Variants in PUM1 observed in about 807,000 individuals in gnomAD.
PUM1 encodes pumilio homolog 1.
PUM1 carries 13 observed loss-of-function variants against 131.8 expected under a neutral mutation model. The ratio of observed to expected loss-of-function variants is 0.10; its 90% CI spans 0.06 to 0.16. The LOEUF (loss-of-function observed/expected upper bound fraction) is 0.16. PUM1 is among the 10% of genes least tolerant of loss of function. PUM1 has a pLI of 1.00. For synonymous variants in PUM1, 509 were observed against 556.5 expected (o/e 0.91, Z 1.20); for missense variants, 961 against 1,512.4 (o/e 0.64, Z 6.05).
intron 5 of PUM1, among the ~76,000 whole-genome samples, chr1:31,004,520 G>A (rs969036329): frequency 6.6e-6 from 1 of 151,172 alleles, no homozygotes; most frequent in Non-Finnish European, 1.5e-5. Flanking sequence ...ACATCCAAAG[G>A]GTAGATCTTG....
intron 5 of PUM1, among the ~76,000 whole-genome samples, chr1:31,001,365 T>C (rs1642205512): frequency 7.2e-6 from 1 of 138,818 alleles, no homozygotes; most frequent in African/African-American, 3.1e-5. Flanking sequence ...CAGAAAGAGA[T>C]TGTCTCAAAA....
At chr1:30,973,586 A>C (rs2124456649) in intron 10 of PUM1, among the ~76,000 whole-genome samples, 1 of 152,370 alleles carries the variant, frequency 6.6e-6, no homozygotes, top group African/African-American at 2.4e-5. Flanking sequence ...TACCTAGTAA[A>C]AATGTCATTT....
intron 14 of PUM1, among the ~76,000 whole-genome samples, chr1:30,963,900 T>C (rs1401635559): frequency 1.3e-5 from 2 of 152,218 alleles, no homozygotes; most frequent in Non-Finnish European, 2.9e-5. Context: ...AATAAATCAG[T>C]ACTTTAAACT....
rs1639857439 is a variant in PUM1 at position 30,949,911 on chromosome 1, A to G, written c.2856+216T>C. Among the ~76,000 whole-genome samples, 11 of 152,362 alleles carry G rather than the reference A, an allele frequency of 7.2e-5. No individual in the cohort carries two copies. The South Asian group carries it at 2.1e-3, about 29-fold the overall frequency. Reference sequence around the variant, plus strand: ...TAAAGGCTAAGTTCTAGCCAATGGAAGAGTATTGGATACCACAGGTTTTAA... The same window carrying G: ...TAAAGGCTAAGTTCTAGCCAATGGAGGAGTATTGGATACCACAGGTTTTAA... On this transcript the variant is annotated intron_variant, in intron 17 of 21. Transcript: ENST00000426105.
At chr1:31,056,478 T>C (rs2002491) in intron 2 of PUM1, among the ~76,000 whole-genome samples, 43,265 of 151,494 alleles carry the variant, frequency 0.29, 8,022 homozygotes, top group East Asian at 0.53. Context: ...AGACGGGGTT[T>C]CACCATGTTG....
chr1:30,998,395 G>C (rs1642061837), intron 5 of PUM1, among the ~76,000 whole-genome samples: 1 of 152,132 alleles, frequency 6.6e-6, no homozygotes. Context: ...CTAGCACTTT[G>C]AGGCAGAAGC....
At chr1:30,951,261 G>T (rs1181983364) in intron 16 of PUM1, among the ~76,000 whole-genome samples, 1 of 152,112 alleles carries the variant, frequency 6.6e-6, no homozygotes, top group Non-Finnish European at 1.5e-5. Context: ...AGAAAGCTCA[G>T]TATTTTTATA....
intron 10 of PUM1, among the ~76,000 whole-genome samples, chr1:30,974,291 T>A (rs1211793033): frequency 6.6e-6 from 1 of 152,174 alleles, no homozygotes; most frequent in African/African-American, 2.4e-5. Context: ...CCTGCTTTAG[T>A]GTCAAGCCCC....
intron 17 of PUM1, among the ~76,000 whole-genome samples, chr1:30,945,975 G>A (rs1057215335): frequency 3.3e-5 from 5 of 151,822 alleles, no homozygotes; most frequent in African/African-American, 4.8e-5. Context: ...TACTAGAGAC[G>A]GGGTCTTGCC....
At chr1:31,059,868 AAG>A (rs1644328809) in intron 1 of PUM1, among the ~76,000 whole-genome samples, 1 of 151,264 alleles carries the variant, frequency 6.6e-6, no homozygotes, top group Non-Finnish European at 1.5e-5. Context: ...TTTTTGAGAC[AAG>A]AGTTTTGCCC....
chr1:30,933,457 C>T (rs1382503072), intron 21 of PUM1, 115 bp from the exon 22 acceptor site: 13 of 764,960 alleles, frequency 1.7e-5, no homozygotes, highest in African/African-American at 1.1e-4. Context: ...CACACACACA[C>T]ACACACACAC....
At chr1:31,062,360 CG>C (rs1644386742) in intron 1 of PUM1, among the ~76,000 whole-genome samples, 1 of 152,090 alleles carries the variant, frequency 6.6e-6, no homozygotes, top group Admixed American at 6.6e-5. Context: ...CGGTGGCTTA[CG>C]CCTGTAATCC....
At chr1:30,950,395 T>G in intron 16 of PUM1, 134 bp from the exon 17 acceptor site, 1 of 864,768 alleles carries the variant, frequency 1.2e-6, no homozygotes, top group Non-Finnish European at 1.7e-6. Flanking sequence ...TAACTAAACC[T>G]TTTATTTAAA....
At chr1:31,052,138 G>T (rs527506437) in intron 2 of PUM1, among the ~76,000 whole-genome samples, 1 of 151,656 alleles carries the variant, frequency 6.6e-6, no homozygotes, top group Non-Finnish European at 1.5e-5. Flanking sequence ...TCAGACTCCC[G>T]AGTAGCTGGG....
chr1:31,007,323 T>A (rs1443011960), intron 3 of PUM1, among the ~76,000 whole-genome samples: 1 of 81,442 alleles, frequency 1.2e-5, no homozygotes, highest in Non-Finnish European at 2.2e-5. Context: ...GTGGGGACAC[T>A]GATCAAACCA....
intron 2 of PUM1, among the ~76,000 whole-genome samples, chr1:31,038,984 AT>A (rs35507851): frequency 0.16 from 7,957 of 49,404 alleles, 517 homozygotes; most frequent in Admixed American, 0.24. Flanking sequence ...ATATATATAT[AT>A]TTTTTTTTTT....
chr1:30,983,205 C>A (rs1641420681), intron 7 of PUM1, among the ~76,000 whole-genome samples: 1 of 152,206 alleles, frequency 6.6e-6, no homozygotes, highest in Admixed American at 6.5e-5. Context: ...AGGCAGTCCA[C>A]CCAAGAGGGG....
chr1:30,980,394 A>C (rs1181839848), intron 8 of PUM1, among the ~76,000 whole-genome samples: 1 of 152,242 alleles, frequency 6.6e-6, no homozygotes, highest in African/African-American at 2.4e-5. Flanking sequence ...GAAATATTTA[A>C]CTTAAAACTG....
At chr1:31,000,586 A>G (rs1321664332) in intron 5 of PUM1, among the ~76,000 whole-genome samples, 2 of 152,258 alleles carry the variant, frequency 1.3e-5, no homozygotes, top group African/African-American at 4.8e-5. Context: ...ATACCTATTA[A>G]TTCTGAATGA....
Sources: gnomAD v4.1 joint callset for allele counts (sites outside exome capture counted in the v4.1 genomes callset) on GRCh38, gnomAD v4.1.1 for gene constraint, MANE v1.5 for transcripts, NCBI Gene and HGNC (gene_info 2026-07-23, HGNC 2026-07-21) for gene names.